Variants in WWOX observed in about 807,000 individuals in gnomAD.
WWOX encodes the protein WW domain-containing oxidoreductase.
WWOX carries 69 observed loss-of-function variants against 46.2 expected under a neutral mutation model. The ratio of observed to expected loss-of-function variants is 1.49; its 90% CI spans 1.23 to 1.82. The LOEUF is 1.82. Among genes scored for constraint, WWOX ranks in the 40% most tolerant of loss-of-function variants. The pLI is 0.00. For synonymous variants in WWOX, 359 were observed against 202.6 expected (o/e 1.77, Z -6.56); for missense variants, 919 against 542.6 (o/e 1.69, Z -6.89).
chr16:78,283,376 T>G (rs1281099962), intron 5 of WWOX, among the ~76,000 whole-genome samples: 1 of 152,184 alleles, frequency 6.6e-6, no homozygotes, highest in Non-Finnish European at 1.5e-5. Context: ...CATCCCGCCC[T>G]CGGCCTCATA....
At chr16:79,034,095 G>C (rs539066267) in intron 8 of WWOX, among the ~76,000 whole-genome samples, 162 of 152,312 alleles carry the variant, frequency 1.1e-3, no homozygotes, top group African/African-American at 3.8e-3. Flanking sequence ...TAATGGGCCA[G>C]GGAACTGAAT....
intron 8 of WWOX, among the ~76,000 whole-genome samples, chr16:78,668,014 C>T (rs1013206519): frequency 6.6e-6 from 1 of 152,134 alleles, no homozygotes; most frequent in African/African-American, 2.4e-5. Flanking sequence ...TGCGGTGGCT[C>T]ACACCTGTAA....
At chr16:78,738,885 T>C (rs2049150710) in intron 8 of WWOX, among the ~76,000 whole-genome samples, 1 of 152,156 alleles carries the variant, frequency 6.6e-6, no homozygotes, top group Non-Finnish European at 1.5e-5. Flanking sequence ...TTCTTCATAT[T>C]TTTGTACCCA....
intron 8 of WWOX, among the ~76,000 whole-genome samples, chr16:78,640,939 C>CA (rs11378985): frequency 0.88 from 117,510 of 133,984 alleles, 51,366 homozygotes; most frequent in Middle Eastern, 0.93. Flanking sequence ...ATTCTGTCTT[C>CA]AAAAAAAAAA....
At chr16:78,559,337 A>G (rs1415577908) in intron 8 of WWOX, among the ~76,000 whole-genome samples, 2 of 152,312 alleles carry the variant, frequency 1.3e-5, no homozygotes, top group South Asian at 2.1e-4. Flanking sequence ...GGCTCCTAGA[A>G]TAGTCCCGGC....
intron 8 of WWOX, among the ~76,000 whole-genome samples, chr16:79,055,579 A>C (rs558126484): frequency 6.6e-6 from 1 of 152,186 alleles, no homozygotes; most frequent in African/African-American, 2.4e-5. Context: ...CCCATTCCCC[A>C]CCTCAAGGCC....
intron 8 of WWOX, among the ~76,000 whole-genome samples, chr16:78,660,927 C>G (rs1044444133): frequency 6.6e-6 from 1 of 152,324 alleles, no homozygotes; most frequent in Middle Eastern, 3.4e-3. Context: ...CCTCCTAATA[C>G]TGCATGACGG....
chr16:78,996,280 C>A (rs191515457), intron 8 of WWOX: 2 of 984,744 alleles, frequency 2.0e-6, no homozygotes, highest in East Asian at 2.3e-4. Flanking sequence ...CAGCTGGGTG[C>A]TCCCTGGAAG....
intron 8 of WWOX, among the ~76,000 whole-genome samples, chr16:78,492,585 G>A (rs1198480790): frequency 6.6e-6 from 1 of 152,198 alleles, no homozygotes; most frequent in Non-Finnish European, 1.5e-5. Context: ...GCCACTAGGA[G>A]ATATTCATGG....
chr16:78,635,350 G>C lies in WWOX; in HGVS notation c.1056+202598G>C, dbSNP rs756225468. On this transcript the variant is annotated intron_variant, in intron 8 of 8. Coordinates refer to ENST00000566780, the MANE Select transcript of WWOX (RefSeq NM_016373.4). ...GGATGGCAGGTGGACTTGGATCTAG[G>C]CCACTCCCTTAGATCCTGATTAGGG... 5.3e-4 allele frequency among the ~76,000 whole-genome samples: 81 copies of C among 152,090 alleles called. 1 individual carries two copies. Among genetic ancestry groups the C allele is most frequent in the Non-Finnish European group, 7.2e-4 (49 of 68,024 alleles).
chr16:79,140,639 A>G (rs2050071484), intron 8 of WWOX, among the ~76,000 whole-genome samples: 1 of 152,224 alleles, frequency 6.6e-6, no homozygotes, highest in South Asian at 2.1e-4. Flanking sequence ...TTAAGAAGCA[A>G]GAAGCGCTGC....
chr16:78,551,019 CAA>C (rs982558711), intron 8 of WWOX: 2 of 152,022 alleles, frequency 1.3e-5, no homozygotes, highest in African/African-American at 2.4e-5. Flanking sequence ...TTCAGTGAAA[CAA>C]ATACCTAATA....
At chr16:78,157,237 T>C (rs2034636914) in intron 4 of WWOX, among the ~76,000 whole-genome samples, 1 of 152,198 alleles carries the variant, frequency 6.6e-6, no homozygotes, top group Admixed American at 6.5e-5. Context: ...GGTCACTGTG[T>C]TGCTTGCATA....
chr16:78,633,296 G>T (rs758052369), intron 8 of WWOX, among the ~76,000 whole-genome samples: 1 of 152,154 alleles, frequency 6.6e-6, no homozygotes, highest in South Asian at 2.1e-4. Context: ...AGAAGTTAAG[G>T]ATTGCAGAGC....
chr16:79,169,138 G>T (rs1472733053), intron 8 of WWOX, among the ~76,000 whole-genome samples: 1 of 152,086 alleles, frequency 6.6e-6, no homozygotes. Context: ...AACAAATTTG[G>T]CCCATGGTAG....
intron 8 of WWOX, among the ~76,000 whole-genome samples, chr16:79,121,882 T>A (rs1354357086): frequency 6.6e-6 from 1 of 152,066 alleles, no homozygotes; most frequent in East Asian, 1.9e-4. Flanking sequence ...AGAGGTCGTG[T>A]GTGTGTTTGT....
chr16:79,105,131 C>T (rs1296100408), intron 8 of WWOX, among the ~76,000 whole-genome samples: 1 of 152,286 alleles, frequency 6.6e-6, no homozygotes, highest in East Asian at 1.9e-4. Context: ...TGGGTGGGTC[C>T]TGTAGCCCCA....
At chr16:78,195,268 T>A (rs1419590698) in intron 5 of WWOX, among the ~76,000 whole-genome samples, 1 of 152,184 alleles carries the variant, frequency 6.6e-6, no homozygotes, top group Non-Finnish European at 1.5e-5. Flanking sequence ...GACTGGAACC[T>A]GCTCCTTCAT....
intron 8 of WWOX, among the ~76,000 whole-genome samples, chr16:78,586,955 A>G (rs1033502769): frequency 1.3e-5 from 2 of 152,158 alleles, no homozygotes; most frequent in African/African-American, 4.8e-5. Context: ...ATATGCCAAG[A>G]TTCTATAGCA....
Sources: gnomAD v4.1 joint callset for allele counts (sites outside exome capture counted in the v4.1 genomes callset) on GRCh38, gnomAD v4.1.1 for gene constraint, MANE v1.5 for transcripts, NCBI Gene and HGNC (gene_info 2026-07-23, HGNC 2026-07-21) for gene names.